Variants in RORB observed in about 807,000 individuals in gnomAD.
RORB encodes nuclear receptor ROR-beta.
A neutral mutation model predicts 59.1 loss-of-function variants in RORB; 6 were observed. The observed-to-expected ratio is 0.10, with a 90% CI of 0.06 to 0.20. RORB has a LOEUF of 0.20. RORB is among the 10% of genes least tolerant of loss of function. The pLI is 1.00. For synonymous variants in RORB, 215 were observed against 204.5 expected, an observed-to-expected ratio of 1.05 and a Z score of -0.44; for missense variants, 320 against 560.5, an observed-to-expected ratio of 0.57 and a Z score of 4.33.
chr9:74,505,976 A>T (rs1825865399), intron 1 of RORB, among the ~76,000 whole-genome samples: 1 of 147,204 alleles, frequency 6.8e-6, no homozygotes, highest in Non-Finnish European at 1.5e-5. Context: ...GCTTGTTTTA[A>T]AAAAAAAAAA....
At chr9:74,664,220 AAGG>A (rs1242909226) in intron 6 of RORB, among the ~76,000 whole-genome samples, 1 of 152,186 alleles carries the variant, frequency 6.6e-6, no homozygotes, top group Non-Finnish European at 1.5e-5. Flanking sequence ...AACAACATCA[AAGG>A]AGATTATTGA....
At chr9:74,668,036 T>G in intron 8 of RORB, 135 bp downstream of exon 8, 1 of 614,450 alleles carries the variant, frequency 1.6e-6, no homozygotes, top group Non-Finnish European at 2.9e-6. Flanking sequence ...GTTTTTGATA[T>G]TTTTGGACAG....
At chr9:74,564,602 A>G (rs764364273) in intron 1 of RORB, among the ~76,000 whole-genome samples, 4 of 152,224 alleles carry the variant, frequency 2.6e-5, no homozygotes, top group Non-Finnish European at 5.9e-5. Context: ...GCATTTCTGC[A>G]GTCATTACTT....
intron 2 of RORB, among the ~76,000 whole-genome samples, 194 bp from the exon 3 acceptor site, chr9:74,634,437 C>T (rs1823669936): frequency 6.6e-6 from 1 of 152,200 alleles, no homozygotes; most frequent in Admixed American, 6.5e-5. Flanking sequence ...GAATGATACC[C>T]TCATATCTTT....
intron 1 of RORB, among the ~76,000 whole-genome samples, chr9:74,517,852 A>G (rs1377135673): frequency 6.6e-6 from 1 of 152,004 alleles, no homozygotes; most frequent in Non-Finnish European, 1.5e-5. Flanking sequence ...CTTGTTGAAC[A>G]CTCACTATGT....
At chr9:74,564,039 T>C (rs764249435) in intron 1 of RORB, among the ~76,000 whole-genome samples, 5 of 152,242 alleles carry the variant, frequency 3.3e-5, no homozygotes, top group African/African-American at 4.8e-5. Flanking sequence ...CTGTTTCTCA[T>C]TTCTCTTCTT....
chr9:74,691,300 T>G lies in RORB; in HGVS notation c.*5682T>G, dbSNP rs73549446. 2 of 152,198 alleles carry G rather than the reference T, an allele frequency of 1.3e-5. No homozygotes were observed. The highest frequency in any genetic ancestry group is 1.3e-4 in the Admixed American group (2 of 15,280). The allele number at this position is 152,198 out of a possible 1,614,324, so 9.4% of individuals were successfully genotyped here. Reference sequence around the variant, plus strand: ...CAGCACGGGGCATCTGCACCCCAGCTGGGCAGCATGATCCTTGTATTCAAC... The same window carrying G: ...CAGCACGGGGCATCTGCACCCCAGCGGGGCAGCATGATCCTTGTATTCAAC... On this transcript the variant is annotated 3_prime_UTR_variant, in exon 10 of 10. Coordinates refer to ENST00000376896, the MANE Select transcript of RORB (RefSeq NM_006914.4).
At position 74,663,417 on chromosome 9, in the gene RORB, A is replaced by G. The variant is rs115061023; in HGVS notation, c.892+811A>G. Among the ~76,000 whole-genome samples, 933 of 152,312 alleles carry G rather than the reference A, an allele frequency of 6.1e-3. 10 individuals carry two copies. Among genetic ancestry groups the G allele is most frequent in the African/African-American group, 0.021 (887 of 41,564 alleles). ...TCAGAGAAGTGAAGAGCTACATTCA[A>G]TATTACAAAACCAGTACACGGCAAA... On this transcript the variant is annotated intron_variant, in intron 6 of 9. Coordinates refer to ENST00000376896, the MANE Select transcript of RORB (RefSeq NM_006914.4).
intron 1 of RORB, among the ~76,000 whole-genome samples, chr9:74,568,419 G>A (rs940515223): frequency 6.6e-6 from 1 of 151,796 alleles, no homozygotes; most frequent in Non-Finnish European, 1.5e-5. Context: ...AATTAAACCG[G>A]AGCCGGGCAC....
chr9:74,556,058 T>A (rs1822286153), intron 1 of RORB, among the ~76,000 whole-genome samples: 2 of 152,232 alleles, frequency 1.3e-5, no homozygotes, highest in Non-Finnish European at 2.9e-5. Flanking sequence ...TCAAGTTTTC[T>A]ATTGCAAATT....
Position 74,551,165 on chromosome 9 carries a change from C to A in RORB, c.7+53182C>A, listed in dbSNP as rs905569137. Among the ~76,000 whole-genome samples the A allele has an allele frequency of 5.9e-5, 9 of 152,180 alleles. No homozygotes were observed. The East Asian group carries it at 1.5e-3, about 26-fold the overall frequency. ...TCACATTATGGTATTCCTCATTTGT[C>A]TGAGGGGGGATATATTCCAAGACCA... On this transcript the variant is annotated intron_variant, in intron 1 of 9. Transcript: ENST00000376896.
chr9:74,622,109 C>T lies in RORB; in HGVS notation c.8-8173C>T, dbSNP rs141131518. Among the ~76,000 whole-genome samples, 1,101 of 152,086 alleles carry T rather than the reference C, an allele frequency of 7.2e-3. 17 individuals carry two copies. Among genetic ancestry groups the T allele is most frequent in the African/African-American group, 0.025 (1,044 of 41,484 alleles). ...ATTATTCTCCAAGGAATAAACTCTG[C>T]CTGGTCATTCTAAATTATCTCTGGG... On this transcript the variant is annotated intron_variant, in intron 1 of 9. Transcript: ENST00000376896.
intron 3 of RORB, among the ~76,000 whole-genome samples, chr9:74,637,065 T>C (rs1823715721): frequency 6.6e-6 from 1 of 152,216 alleles, no homozygotes; most frequent in Non-Finnish European, 1.5e-5. Context: ...CACGGTTATT[T>C]CTGAGTCAGA....
chr9:74,502,127 A>G (rs930072963), intron 1 of RORB, among the ~76,000 whole-genome samples: 1 of 152,142 alleles, frequency 6.6e-6, no homozygotes, highest in Non-Finnish European at 1.5e-5. Context: ...TGATAATACT[A>G]AACTATGATC....
intron 1 of RORB, among the ~76,000 whole-genome samples, chr9:74,577,819 C>T (rs948445683): frequency 6.6e-6 from 1 of 152,106 alleles, no homozygotes; most frequent in Non-Finnish European, 1.5e-5. Flanking sequence ...ATGCCTGACA[C>T]ACTGACAGAT....
At chr9:74,514,970 C>A (rs895289396) in intron 1 of RORB, among the ~76,000 whole-genome samples, 1 of 151,030 alleles carries the variant, frequency 6.6e-6, no homozygotes, top group Non-Finnish European at 1.5e-5. Context: ...AGCTTTGAAT[C>A]CTCAACTTCA....
intron 1 of RORB, among the ~76,000 whole-genome samples, chr9:74,568,699 C>CAAA (rs34771605): frequency 4.7e-5 from 5 of 107,314 alleles, no homozygotes; most frequent in Admixed American, 9.8e-5. Flanking sequence ...GACTCCATCT[C>CAAA]AAAAAAAAAA....
intron 2 of RORB, 120 bp downstream of exon 2, chr9:74,630,487 A>T: frequency 4.1e-4 from 168 of 406,892 alleles, no homozygotes; most frequent in East Asian, 6.6e-4. Context: ...TGCTGCTGAC[A>T]TTCAGGAATT....
chr9:74,671,920 G>T lies in RORB; in HGVS notation c.1224+19G>T. On this transcript the variant is annotated intron_variant, in intron 9 of 9. Coordinates refer to ENST00000376896, the MANE Select transcript of RORB (RefSeq NM_006914.4). The stretch of plus-strand genomic sequence containing the variant: ...GGCAAAGGTAGGTCCACAGATCACA[G>T]AGCCACCACCACCAAAAGAGAGCAC... The T allele has an allele frequency of 7.1e-7, 1 of 1,402,680 alleles. No individual in the cohort carries two copies. The highest frequency in any genetic ancestry group is 1.8e-4 in the Middle Eastern group (1 of 5,582). The allele number at this position is 1,402,680 out of a possible 1,614,324, so 86.9% of individuals were successfully genotyped here. A position where few individuals can be genotyped will look rare whatever the true frequency, so the allele number is the denominator to read the frequency against.
Sources: allele counts gnomAD v4.1 joint callset (sites outside exome capture counted in the v4.1 genomes callset), GRCh38; gene constraint gnomAD v4.1.1; transcripts MANE v1.5; gene names NCBI Gene and HGNC (gene_info 2026-07-23, HGNC 2026-07-21).